Variants in LDLRAP1 observed in about 807,000 individuals in gnomAD.
The protein encoded by LDLRAP1 is low density lipoprotein receptor adapter protein 1.
LDLRAP1 carries 30 observed loss-of-function variants against 37.8 expected under a neutral mutation model. That is an observed-to-expected ratio of 0.79 (90% confidence interval 0.59 to 1.08). The LOEUF (loss-of-function observed/expected upper bound fraction) is 1.08, where lower values mean the gene tolerates loss of function less well. Among genes scored for constraint, LDLRAP1 ranks in the 50% least tolerant of loss-of-function variants. LDLRAP1 has a pLI of 0.00. For missense variants in LDLRAP1, 375 were observed against 401.6 expected (o/e 0.93, Z 0.57); for synonymous variants, 156 against 169.8 (o/e 0.92, Z 0.63).
At position 25,554,715 on chromosome 1, in the gene LDLRAP1, G is replaced by A; in HGVS notation, c.232-145G>A. 1 of 701,198 alleles carries A rather than the reference G, an allele frequency of 1.4e-6. No homozygotes were observed. Among genetic ancestry groups the A allele is most frequent in the Non-Finnish European group, 2.6e-6 (1 of 385,742 alleles). 43.4% of individuals were successfully genotyped at this position (701,198 alleles called of 1,614,324 possible). ...CTGTTTCTATTGCAAGAAGGTGCTG[G>A]CTGAGTGGTCTTGCCCACACTGCTG... On this transcript the variant is annotated intron_variant, in intron 2 of 8. Coordinates refer to ENST00000374338, the MANE Select transcript of LDLRAP1 (RefSeq NM_015627.3). This position sits in a 1 kb window ranked among gnomAD's most constrained non-coding sequence, Gnocchi z 5.4.
At chr1:25,578,652 C>T in the LDLRAP1 span, among the ~76,000 whole-genome samples, 11 of 152,164 alleles carry the variant, frequency 7.2e-5, no homozygotes, top group African/African-American at 2.2e-4. Flanking sequence ...ATAGCTGGGA[C>T]GACAGGCACA....
chr1:25,562,972 C>T (rs2124689689), intron 5 of LDLRAP1, 98 bp from the exon 6 acceptor site: 1 of 1,177,454 alleles, frequency 8.5e-7, no homozygotes, highest in East Asian at 2.3e-5. Flanking sequence ...TGAAACTGCC[C>T]CTTGAGGTTG....
At position 25,567,564 on chromosome 1, in the gene LDLRAP1, T is replaced by A; in HGVS notation, c.*572T>A. On this transcript the variant is annotated 3_prime_UTR_variant, in exon 9 of 9. Coordinates refer to ENST00000374338, the MANE Select transcript of LDLRAP1 (RefSeq NM_015627.3). ...CCCTGGACCCCAGGCTCTTAGAGAC[T>A]AAGGGGCAGCTCCTGACCAAAGACG... 1 of 200,316 alleles carries A rather than the reference T, an allele frequency of 5.0e-6. No homozygotes were observed. The highest frequency in any genetic ancestry group is 1.0e-5 in the Non-Finnish European group (1 of 96,786). 12.4% of individuals were successfully genotyped at this position (200,316 alleles called of 1,614,324 possible).
chr1:25,579,452 C>G, the LDLRAP1 span, among the ~76,000 whole-genome samples: 1 of 152,238 alleles, frequency 6.6e-6, no homozygotes, highest in Non-Finnish European at 1.5e-5. Flanking sequence ...GCGAGCTCAG[C>G]TGCCGCTGTC....
At chr1:25,583,410 C>T in the LDLRAP1 span, among the ~76,000 whole-genome samples, 1 of 151,978 alleles carries the variant, frequency 6.6e-6, no homozygotes, top group African/African-American at 2.4e-5. Context: ...CCAGGCTGGT[C>T]TCGAACTTCT....
At chr1:25,562,501 G>C in intron 4 of LDLRAP1, 143 bp from the exon 5 acceptor site, 1 of 709,468 alleles carries the variant, frequency 1.4e-6, no homozygotes, top group Non-Finnish European at 2.5e-6. Context: ...TGCCCAGCAG[G>C]CATTCCAGAG....
At chr1:25,565,077 G>C in intron 7 of LDLRAP1, 96 bp from the exon 8 acceptor site, 2 of 1,369,262 alleles carry the variant, frequency 1.5e-6, no homozygotes, top group African/African-American at 2.9e-5. Context: ...CTTGTGTCCT[G>C]AGTCCCTGTA....
the LDLRAP1 span, among the ~76,000 whole-genome samples, chr1:25,582,357 C>A: frequency 6.6e-6 from 1 of 151,764 alleles, no homozygotes; most frequent in Non-Finnish European, 1.5e-5. Flanking sequence ...GAGGCCAAGG[C>A]GGGCAGATCA....
intron 7 of LDLRAP1, chr1:25,564,939 C>T (rs972112116): frequency 1.1e-5 from 6 of 552,788 alleles, no homozygotes; most frequent in Non-Finnish European, 2.0e-5. Context: ...CCTGGGTCTC[C>T]AGACACCCTG....
In LDLRAP1 at chr1:25,567,098, T is replaced by G; in HGVS notation, c.*106T>G. The G allele has an allele frequency of 1.5e-6, 2 of 1,355,770 alleles. No homozygotes were observed. Among genetic ancestry groups the G allele is most frequent in the East Asian group, 4.8e-5 (2 of 42,002 alleles). 84.0% of individuals were successfully genotyped at this position (1,355,770 alleles called of 1,614,324 possible). ...GCCCGCCTGCCACCTCTCCCAGCCC[T>G]CAGCATTGTCAGCCTGAAGATCAGA... On this transcript the variant is annotated 3_prime_UTR_variant, in exon 9 of 9. Transcript: ENST00000374338.
At chr1:25,557,003 C>G (rs1257042617) in intron 3 of LDLRAP1, 150 bp from the exon 4 acceptor site, 7 of 716,770 alleles carry the variant, frequency 9.8e-6, no homozygotes, top group Non-Finnish European at 1.8e-5. Context: ...AGGTACCCAG[C>G]CTGGAGGCCA....
intron 8 of LDLRAP1, 114 bp from the exon 9 acceptor site, chr1:25,566,734 G>T: frequency 6.9e-6 from 9 of 1,308,098 alleles, no homozygotes; most frequent in Non-Finnish European, 9.7e-6. Flanking sequence ...TGCACCGGGG[G>T]CTTCCTTCTT....
Position 25,553,995 on chromosome 1 carries a change from C to T in LDLRAP1, c.162C>T (p.Gly54=), listed in dbSNP as rs1294921449. 6.2e-7 allele frequency: 1 copy of T among 1,613,976 alleles called. No homozygotes were observed. Among genetic ancestry groups the T allele is most frequent in the Non-Finnish European group, 8.5e-7 (1 of 1,180,022 alleles). ...TGCTGTTCAGCCTCAAGTACCTGGG[C>T]ATGACGCTAGTGGAGCAGCCCAAGG... ...EGMLFSLKYL[G]MTLVEQPKGE... is the part of the protein sequence containing the mutation. Residue 54 remains glycine, a synonymous_variant, in exon 2 of 9, where the codon GGC becomes GGT. Coordinates refer to ENST00000374338, the MANE Select transcript of LDLRAP1 (RefSeq NM_015627.3).
downstream of LDLRAP1, among the ~76,000 whole-genome samples, chr1:25,573,723 AT>A (rs1439203558): frequency 6.6e-6 from 1 of 152,182 alleles, no homozygotes; most frequent in Non-Finnish European, 1.5e-5. Flanking sequence ...TAGGACAGCC[AT>A]GTGAGGCCAT....
intron 3 of LDLRAP1, among the ~76,000 whole-genome samples, chr1:25,556,362 G>A (rs2044199889): frequency 6.6e-6 from 1 of 152,176 alleles, no homozygotes. Flanking sequence ...TGCGACTGGG[G>A]GCAGAGAGGG....
chr1:25,584,042 A>T, the LDLRAP1 span, among the ~76,000 whole-genome samples: 29,271 of 151,838 alleles, frequency 0.19, 3,815 homozygotes, highest in Non-Finnish European at 0.28. Context: ...GACGGGCAAT[A>T]TCTCCTTCTT....
chr1:25,543,636 G>A lies in LDLRAP1; in HGVS notation c.-63G>A. On this transcript the variant is annotated 5_prime_UTR_variant, in exon 1 of 9. Coordinates refer to ENST00000374338, the MANE Select transcript of LDLRAP1 (RefSeq NM_015627.3). ...GCGCAGCCCGCGCGCCGCAGGGCCG[G>A]GCGGAAAGTTTTTCCTGACGGAGTT... 2.6e-6 allele frequency: 3 copies of A among 1,138,008 alleles called. No individual in the cohort carries two copies. Among genetic ancestry groups the A allele is most frequent in the Non-Finnish European group, 3.3e-6 (3 of 910,140 alleles). The allele number at this position is 1,138,008 out of a possible 1,614,324, so 70.5% of individuals were successfully genotyped here.
chr1:25,557,413 T>C, intron 4 of LDLRAP1, 146 bp downstream of exon 4: 1 of 673,750 alleles, frequency 1.5e-6, no homozygotes. Context: ...CCCAAGTGGG[T>C]GCCGAGAGCT....
chr1:25,544,198 C>A lies in LDLRAP1; in HGVS notation c.88+412C>A, dbSNP rs1196348773. On this transcript the variant is annotated intron_variant, in intron 1 of 8. Coordinates refer to ENST00000374338, the MANE Select transcript of LDLRAP1 (RefSeq NM_015627.3). The surrounding 1 kb of genome is among the most constrained non-coding windows in gnomAD (Gnocchi z 4.8). ...GCGCAGGGGCTTGGGAAGACGCCCC[C>A]GTCCCGCACCCCTGCGCCCCAGCCA... 2.6e-5 allele frequency among the ~76,000 whole-genome samples: 4 copies of A among 152,112 alleles called. No homozygotes were observed. Among genetic ancestry groups the A allele is most frequent in the Non-Finnish European group, 5.9e-5 (4 of 67,976 alleles).
Sources: allele counts gnomAD v4.1 joint callset (sites outside exome capture counted in the v4.1 genomes callset), GRCh38; gene constraint gnomAD v4.1.1; non-coding constraint Gnocchi (gnomAD v3.1); transcripts MANE v1.5; gene names NCBI Gene and HGNC (gene_info 2026-07-23, HGNC 2026-07-21).